The following SMPD3 variants were observed in gnomAD, a reference collection of about 807,000 sequenced individuals.
SMPD3 encodes the protein nSMase-2.
SMPD3 carries 21 observed loss-of-function variants against 55.7 expected under a neutral mutation model. The ratio of observed to expected loss-of-function variants is 0.38; its 90% CI spans 0.27 to 0.54. The LOEUF is 0.54. Ranked by LOEUF, SMPD3 falls within the 20% of genes least tolerant of loss-of-function variation. The probability of loss-of-function intolerance (pLI) is 0.80; values close to 1 mark genes in which losing one functional copy is unlikely to be tolerated. For synonymous variants in SMPD3, 457 were observed against 404.3 expected (o/e 1.13, Z -1.56); for missense variants, 842 against 899.6 (o/e 0.94, Z 0.82).
chr16:68,386,496 C>G (rs1286248055), intron 2 of SMPD3, 102 bp downstream of exon 2: 1 of 152,172 alleles, frequency 6.6e-6, no homozygotes, highest in Non-Finnish European at 1.5e-5. Context: ...CACACAGCAT[C>G]TCTTTATAAA....
At chr16:68,389,294 T>A (rs2090090561) in intron 1 of SMPD3, among the ~76,000 whole-genome samples, 1 of 152,212 alleles carries the variant, frequency 6.6e-6, no homozygotes, top group Non-Finnish European at 1.5e-5. Flanking sequence ...CCTGCCTGCC[T>A]GTCCACCAGG....
rs560043768 is a variant in SMPD3, at chr16:68,442,278, G to A, written c.-269+6075C>T. Among the ~76,000 whole-genome samples, 9 of 152,280 alleles carry A rather than the reference G, an allele frequency of 5.9e-5. No homozygotes were observed. In the South Asian group the frequency reaches 1.7e-3, roughly 28 times the overall value. On this transcript the variant is annotated intron_variant, in intron 1 of 8. Coordinates refer to ENST00000219334, the MANE Select transcript of SMPD3 (RefSeq NM_018667.4). ...AGAGCAGCCCTCAACTTCCCTCGCT[G>A]TCTTTCCTCATGTTAAAAAGACATG...
At chr16:68,434,532 G>A (rs564587202) in intron 1 of SMPD3, among the ~76,000 whole-genome samples, 1 of 152,198 alleles carries the variant, frequency 6.6e-6, no homozygotes, top group African/African-American at 2.4e-5. Flanking sequence ...TTTAATTTTA[G>A]GTGAGTCTTC....
intron 3 of SMPD3, 125 bp downstream of exon 3, chr16:68,370,734 G>A: frequency 1.6e-6 from 2 of 1,281,506 alleles, no homozygotes; most frequent in East Asian, 2.5e-5. Context: ...GACCGCGTCT[G>A]CCTCCCACTC....
intron 1 of SMPD3, among the ~76,000 whole-genome samples, chr16:68,413,305 G>T (rs62058168): frequency 3.2e-3 from 488 of 152,320 alleles, no homozygotes; most frequent in Non-Finnish European, 5.7e-3. Flanking sequence ...CCAGGATAAA[G>T]CTCCCCTTTC....
intron 1 of SMPD3, among the ~76,000 whole-genome samples, chr16:68,446,481 ATC>A (rs2090610822): frequency 7.2e-6 from 1 of 139,292 alleles, no homozygotes; most frequent in Non-Finnish European, 1.5e-5. Flanking sequence ...TAAGTGGTTC[ATC>A]TACACACACA....
intron 1 of SMPD3, among the ~76,000 whole-genome samples, chr16:68,400,597 A>G (rs939863088): frequency 1.3e-5 from 2 of 152,240 alleles, no homozygotes; most frequent in Non-Finnish European, 2.9e-5. Flanking sequence ...ATTAAGTGGA[A>G]GAGATGAACT....
intron 1 of SMPD3, among the ~76,000 whole-genome samples, chr16:68,387,982 G>A (rs551730635): frequency 7.2e-5 from 11 of 152,254 alleles, no homozygotes; most frequent in Middle Eastern, 6.8e-3. Flanking sequence ...AATGAGACCC[G>A]GTTCTGGTCT....
chr16:68,388,596 T>G (rs1228041675), intron 1 of SMPD3, among the ~76,000 whole-genome samples: 3 of 151,840 alleles, frequency 2.0e-5, no homozygotes, highest in Admixed American at 2.0e-4. Flanking sequence ...GCCTCTGACA[T>G]TTCCCAAACT....
At chr16:68,392,273 ATTATT>A (rs1402342943) in intron 1 of SMPD3, among the ~76,000 whole-genome samples, 3 of 152,138 alleles carry the variant, frequency 2.0e-5, no homozygotes, top group Non-Finnish European at 4.4e-5. Flanking sequence ...TTTTCTTTTT[ATTATT>A]TTAATTTTTT....
At chr16:68,382,168 C>T (rs2089963820) in intron 2 of SMPD3, 2 of 152,242 alleles carry the variant, frequency 1.3e-5, no homozygotes, top group African/African-American at 2.4e-5. Flanking sequence ...ACAGTAAATC[C>T]GTAGACGTGG....
intron 1 of SMPD3, among the ~76,000 whole-genome samples, chr16:68,426,723 C>T (rs1401366560): frequency 6.6e-6 from 1 of 152,178 alleles, no homozygotes; most frequent in Non-Finnish European, 1.5e-5. Context: ...CACTCATTTT[C>T]CAACCCTGAC....
intron 1 of SMPD3, among the ~76,000 whole-genome samples, chr16:68,415,547 G>C (rs779436516): frequency 2.6e-5 from 4 of 152,136 alleles, no homozygotes; most frequent in Non-Finnish European, 5.9e-5. Flanking sequence ...GTTAACCTAC[G>C]GCTTAAAATT....
At chr16:68,373,446 C>G (rs2089727476) in intron 2 of SMPD3, among the ~76,000 whole-genome samples, 1 of 152,252 alleles carries the variant, frequency 6.6e-6, no homozygotes, top group South Asian at 2.1e-4. Flanking sequence ...CTTTCCATGA[C>G]TGGAGCAGTT....
At chr16:68,398,249 G>A (rs1013792470) in intron 1 of SMPD3, among the ~76,000 whole-genome samples, 2 of 152,322 alleles carry the variant, frequency 1.3e-5, no homozygotes, top group East Asian at 1.9e-4. Flanking sequence ...CACTTGGGAA[G>A]GGAGGAAGTT....
intron 1 of SMPD3, among the ~76,000 whole-genome samples, chr16:68,435,185 G>T (rs2090512863): frequency 6.6e-6 from 1 of 152,218 alleles, no homozygotes; most frequent in Non-Finnish European, 1.5e-5. Flanking sequence ...CAGAGAGAGG[G>T]TTCTAGGGCT....
intron 1 of SMPD3, among the ~76,000 whole-genome samples, chr16:68,431,766 A>T (rs1004941669): frequency 6.6e-6 from 1 of 152,194 alleles, no homozygotes; most frequent in African/African-American, 2.4e-5. Flanking sequence ...TACTAAAAAT[A>T]CAAATATTAG....
Position 68,360,929 on chromosome 16 carries a change from C to G in SMPD3, c.*277G>C, listed in dbSNP as rs547851431. 13 of 444,538 alleles carry G rather than the reference C, an allele frequency of 2.9e-5. No homozygotes were observed. Among genetic ancestry groups the G allele is most frequent in the Admixed American group, 2.0e-4 (5 of 25,028 alleles). 27.5% of individuals were successfully genotyped at this position (444,538 alleles called of 1,614,324 possible). On this transcript the variant is annotated 3_prime_UTR_variant, in exon 9 of 9. Transcript: ENST00000219334. The stretch of plus-strand genomic sequence containing the variant: ...GGTCCTCATACTAACCCACGGGTTA[C>G]AAACTCGGTTGTGCTGTAGATTTGT...
chr16:68,406,906 T>C (rs1195561960), intron 1 of SMPD3, among the ~76,000 whole-genome samples: 1 of 152,096 alleles, frequency 6.6e-6, no homozygotes, highest in African/African-American at 2.4e-5. Flanking sequence ...AAAAATCCGC[T>C]CTCAGCAGCA....
Sources: allele counts gnomAD v4.1 joint callset (sites outside exome capture counted in the v4.1 genomes callset), GRCh38; gene constraint gnomAD v4.1.1; transcripts MANE v1.5; gene names NCBI Gene and HGNC (gene_info 2026-07-23, HGNC 2026-07-21).